Variants in ZNF804B observed in about 807,000 individuals in gnomAD.
The protein encoded by ZNF804B is zinc finger protein 804B.
ZNF804B carries 80 observed loss-of-function variants against 101.4 expected under a neutral mutation model. The ratio of observed to expected loss-of-function variants is 0.79; its 90% CI spans 0.66 to 0.95. The LOEUF (loss-of-function observed/expected upper bound fraction) is 0.95, where lower values mean the gene tolerates loss of function less well. Among genes scored for constraint, ZNF804B ranks in the 40% least tolerant of loss-of-function variants. The pLI, the probability that ZNF804B is intolerant of heterozygous loss-of-function variation, is 0.00. For synonymous variants in ZNF804B, 622 were observed against 558.8 expected, an observed-to-expected ratio of 1.11 and a Z score of -1.59; for missense variants, 1,673 against 1,561.9, an observed-to-expected ratio of 1.07 and a Z score of -1.20.
intron 1 of ZNF804B, among the ~76,000 whole-genome samples, chr7:89,010,930 A>T (rs1199992783): frequency 1.3e-5 from 2 of 152,208 alleles, no homozygotes; most frequent in Non-Finnish European, 2.9e-5. Context: ...TTAATTTATT[A>T]TTGGGCAAAA....
intron 1 of ZNF804B, among the ~76,000 whole-genome samples, chr7:89,111,458 T>C (rs1790217013): frequency 6.6e-6 from 1 of 152,318 alleles, no homozygotes; most frequent in African/African-American, 2.4e-5. Context: ...TTGTTTTAAT[T>C]TGTAGCTCTG....
Position 88,764,551 on chromosome 7 carries a change from C to T in ZNF804B, c.108+4467C>T, listed in dbSNP as rs1375115342. ...TGGACCAACAATCTGCTACAGAATT[C>T]TCTTGATAAATTACAAATGTATATC... On this transcript the variant is annotated intron_variant, in intron 1 of 3. Transcript: ENST00000333190. 3.3e-5 allele frequency among the ~76,000 whole-genome samples: 5 copies of T among 152,244 alleles called. No homozygotes were observed. The East Asian group carries it at 9.7e-4, about 29-fold the overall frequency.
chr7:88,790,692 A>G (rs1790367233), intron 1 of ZNF804B, among the ~76,000 whole-genome samples: 1 of 152,016 alleles, frequency 6.6e-6, no homozygotes, highest in Non-Finnish European at 1.5e-5. Context: ...CCAGTCTATC[A>G]CTGATGGGCA....
chr7:89,102,898 A>G (rs1453899321), intron 1 of ZNF804B, among the ~76,000 whole-genome samples: 1 of 151,824 alleles, frequency 6.6e-6, no homozygotes, highest in African/African-American at 2.4e-5. Context: ...ATTCTTCTGC[A>G]TATGGCTAGC....
At chr7:88,947,329 G>A (rs1346825030) in intron 1 of ZNF804B, among the ~76,000 whole-genome samples, 1 of 152,004 alleles carries the variant, frequency 6.6e-6, no homozygotes, top group African/African-American at 2.4e-5. Flanking sequence ...GGAATACCCA[G>A]CAGCCATTAA....
chr7:88,942,499 T>G (rs1038194396), intron 1 of ZNF804B, among the ~76,000 whole-genome samples: 1 of 105,904 alleles, frequency 9.4e-6, no homozygotes. Flanking sequence ...GATATTTGAG[T>G]GAGTGTGTGT....
intron 1 of ZNF804B, among the ~76,000 whole-genome samples, chr7:89,098,295 A>G (rs1239806275): frequency 4.0e-5 from 6 of 149,032 alleles, no homozygotes; most frequent in South Asian, 2.1e-4. Context: ...TTTTTGAGAT[A>G]GAGTCTTGCT....
intron 1 of ZNF804B, among the ~76,000 whole-genome samples, chr7:88,799,887 C>T (rs1016554592): frequency 6.6e-6 from 1 of 152,006 alleles, no homozygotes; most frequent in African/African-American, 2.4e-5. Flanking sequence ...AAAGAGTTCT[C>T]ATTTGAGCGT....
rs797008571 is a variant in ZNF804B at position 89,176,587 on chromosome 7, C to A, written c.109-41568C>A. Reference sequence around the variant, plus strand: ...TTTTCTTTTTTTTCTTTCTTTCTTTCTTTCTTTTTTTTTTTTTTTTTCATG... The same window carrying A: ...TTTTCTTTTTTTTCTTTCTTTCTTTATTTCTTTTTTTTTTTTTTTTTCATG... On this transcript the variant is annotated intron_variant, in intron 1 of 3. Transcript: ENST00000333190. Among the ~76,000 whole-genome samples, 3 of 53,976 alleles carry A rather than the reference C, an allele frequency of 5.6e-5. No individual in the cohort carries two copies. In the Admixed American group the frequency reaches 6.1e-4, roughly 11 times the overall value. The allele number at this position is 53,976 out of a possible 152,430, so 35.4% of individuals were successfully genotyped here. A position where few individuals can be genotyped will look rare whatever the true frequency, so the allele number is the denominator to read the frequency against.
chr7:88,851,012 A>G (rs538188754), intron 1 of ZNF804B, among the ~76,000 whole-genome samples: 32 of 152,236 alleles, frequency 2.1e-4, no homozygotes, highest in Non-Finnish European at 1.0e-4. Context: ...TGAAAAATAC[A>G]CTGGTTGAGA....
intron 1 of ZNF804B, among the ~76,000 whole-genome samples, chr7:88,854,003 G>A (rs973147070): frequency 2.0e-5 from 3 of 152,098 alleles, no homozygotes; most frequent in Non-Finnish European, 2.9e-5. Flanking sequence ...AATATTTCAA[G>A]TACATAGTTA....
intron 1 of ZNF804B, among the ~76,000 whole-genome samples, chr7:89,038,012 C>G (rs1788955474): frequency 6.6e-6 from 1 of 152,122 alleles, no homozygotes; most frequent in Non-Finnish European, 1.5e-5. Context: ...CTGAATAATA[C>G]TAAATTCTGT....
chr7:89,283,180 A>G (rs1790126355), intron 2 of ZNF804B, among the ~76,000 whole-genome samples: 1 of 152,302 alleles, frequency 6.6e-6, no homozygotes, highest in East Asian at 1.9e-4. Flanking sequence ...AGTAATCCCA[A>G]TGTTGTCATA....
At position 89,207,114 on chromosome 7, in the gene ZNF804B, A is replaced by T. The variant is rs140769412; in HGVS notation, c.109-11041A>T. Among the ~76,000 whole-genome samples, 57 of 152,184 alleles carry T rather than the reference A, an allele frequency of 3.7e-4. No homozygotes were observed. The East Asian group carries it at 0.01, about 27-fold the overall frequency. The stretch of plus-strand genomic sequence containing the variant: ...TTCCTGTTTTCTTCTGAGCCCTCCA[A>T]ATTATTTGAACTTCTGCCTGTTACC... On this transcript the variant is annotated intron_variant, in intron 1 of 3. Coordinates refer to ENST00000333190, the MANE Select transcript of ZNF804B (RefSeq NM_181646.5).
chr7:89,283,350 A>G (rs1790128703), intron 2 of ZNF804B, among the ~76,000 whole-genome samples: 3 of 152,352 alleles, frequency 2.0e-5, no homozygotes, highest in Admixed American at 6.5e-5. Context: ...GGTGGTTCCA[A>G]TGATCACATA....
At chr7:89,055,892 T>G (rs1195060151) in intron 1 of ZNF804B, among the ~76,000 whole-genome samples, 1 of 152,116 alleles carries the variant, frequency 6.6e-6, no homozygotes, top group Non-Finnish European at 1.5e-5. Context: ...AGATGAAAGC[T>G]CTGTCTGGAT....
intron 1 of ZNF804B, among the ~76,000 whole-genome samples, chr7:88,775,819 C>T (rs1439951286): frequency 6.6e-6 from 1 of 152,100 alleles, no homozygotes; most frequent in African/African-American, 2.4e-5. Flanking sequence ...TTGTCTCTTT[C>T]TATATTTATT....
intron 1 of ZNF804B, among the ~76,000 whole-genome samples, chr7:89,075,270 C>A (rs1789598890): frequency 6.6e-6 from 1 of 152,116 alleles, no homozygotes; most frequent in Non-Finnish European, 1.5e-5. Context: ...TACGGCAGCC[C>A]CTCCCATCAC....
intron 1 of ZNF804B, among the ~76,000 whole-genome samples, chr7:88,920,592 A>T (rs1466553515): frequency 6.6e-6 from 1 of 152,006 alleles, no homozygotes; most frequent in Non-Finnish European, 1.5e-5. Context: ...TCCAGGCTTC[A>T]TTACCAACCT....
Sources: allele counts gnomAD v4.1 joint callset (sites outside exome capture counted in the v4.1 genomes callset), GRCh38; gene constraint gnomAD v4.1.1; transcripts MANE v1.5; gene names NCBI Gene and HGNC (gene_info 2026-07-23, HGNC 2026-07-21).